Variants in THNSL1 observed in about 807,000 individuals in gnomAD.
THNSL1 encodes threonine synthase-like 1.
A neutral mutation model predicts 50.4 loss-of-function variants in THNSL1; 48 were observed. The observed-to-expected ratio is 0.95, with a 90% CI of 0.76 to 1.21. The LOEUF is 1.21. THNSL1 is among the 50% of genes most tolerant of loss of function. The pLI is 0.00. For synonymous variants in THNSL1, 309 were observed against 306.1 expected, an observed-to-expected ratio of 1.01 and a Z score of -0.10; for missense variants, 896 against 871.7, an observed-to-expected ratio of 1.03 and a Z score of -0.35.
At chr10:24,995,536 G>A in the THNSL1 span, 1 of 980,192 alleles carries the variant, frequency 1.0e-6, no homozygotes, top group Non-Finnish European at 1.5e-6. Flanking sequence ...CAGCAAAGTA[G>A]ACAATGTGTC....
At chr10:25,018,659 GTTTTTT>G (rs374289213) in intron 1 of THNSL1, among the ~76,000 whole-genome samples, 15 of 93,714 alleles carry the variant, frequency 1.6e-4, no homozygotes, top group Non-Finnish European at 3.1e-4. Flanking sequence ...AATGAGAGTT[GTTTTTT>G]TTTTTTTTTT....
chr10:25,019,665 A>T (rs889687458), intron 1 of THNSL1, among the ~76,000 whole-genome samples: 5 of 152,202 alleles, frequency 3.3e-5, no homozygotes, highest in African/African-American at 1.2e-4. Flanking sequence ...AAGGACTTGC[A>T]CATCTGCAGA....
upstream of THNSL1, chr10:25,015,835 T>C: frequency 6.3e-7 from 1 of 1,579,066 alleles, no homozygotes. Context: ...TTGTTTCAAG[T>C]GATAGTCTTT....
At chr10:24,978,177 T>C in the THNSL1 span, among the ~76,000 whole-genome samples, 2 of 152,184 alleles carry the variant, frequency 1.3e-5, no homozygotes, top group African/African-American at 4.8e-5. Context: ...ACTTACTCTG[T>C]TGCTAACTTC....
At chr10:24,997,344 G>A in the THNSL1 span, among the ~76,000 whole-genome samples, 6 of 150,868 alleles carry the variant, frequency 4.0e-5, no homozygotes, top group African/African-American at 1.2e-4. Context: ...TCATTGGACC[G>A]AGTTTTTAAA....
At chr10:24,995,687 G>T in the THNSL1 span, 9 of 1,613,874 alleles carry the variant, frequency 5.6e-6, no homozygotes, top group African/African-American at 1.2e-4. Flanking sequence ...GAAGGCTCAA[G>T]ATCATGCTTG....
the THNSL1 span, among the ~76,000 whole-genome samples, chr10:24,979,592 C>T: frequency 6.6e-6 from 1 of 152,202 alleles, no homozygotes; most frequent in Non-Finnish European, 1.5e-5. Flanking sequence ...CACCTTACCT[C>T]TAAATGGCAG....
At chr10:25,011,907 G>T (rs961394648), upstream of THNSL1, among the ~76,000 whole-genome samples, 1 of 152,202 alleles carries the variant, frequency 6.6e-6, no homozygotes, top group South Asian at 2.1e-4. Context: ...TGTCTCCAGA[G>T]CCTGTCAGAG....
chr10:24,963,927 C>G, the THNSL1 span, among the ~76,000 whole-genome samples: 3 of 152,138 alleles, frequency 2.0e-5, no homozygotes, highest in African/African-American at 7.2e-5. Flanking sequence ...GGTTTGGGAG[C>G]TTAGAAGATT....
chr10:24,976,465 A>G, the THNSL1 span, among the ~76,000 whole-genome samples: 3 of 152,008 alleles, frequency 2.0e-5, no homozygotes, highest in South Asian at 6.2e-4. Flanking sequence ...TATCATCTAT[A>G]CCTATAAAGC....
At chr10:25,009,019 C>T in the THNSL1 span, among the ~76,000 whole-genome samples, 1 of 152,126 alleles carries the variant, frequency 6.6e-6, no homozygotes, top group Non-Finnish European at 1.5e-5. Flanking sequence ...AAAAACCAAA[C>T]ACCGCATGTT....
chr10:25,017,608 AC>A (rs979066128), intron 1 of THNSL1, among the ~76,000 whole-genome samples: 1 of 146,268 alleles, frequency 6.8e-6, no homozygotes, highest in Non-Finnish European at 1.5e-5. Context: ...ACATAAGAAT[AC>A]GTTAAGTTTT....
In THNSL1 at chr10:25,018,659, G is replaced by GTTTTTTTTTTTTTTTTTTTTTTTTT. The variant is rs374289213; in HGVS notation, c.-216+1987_-216+1988insTTTTTTTTTTTTTTTTTTTTTTTTT. On this transcript the variant is annotated intron_variant, in intron 1 of 2. Transcript: ENST00000376356. ...TGATGTACATAAACAAATGAGAGTTGTTTTTTTTTTTTTTTTTTTTGCGAA... is the reference window on the plus strand; with the variant it reads ...TGATGTACATAAACAAATGAGAGTTGTTTTTTTTTTTTTTTTTTTTTTTTTTTTTTTTTTTTTTTTTTTTTGCGAA... 6.4e-5 allele frequency among the ~76,000 whole-genome samples: 6 copies of GTTTTTTTTTTTTTTTTTTTTTTTTT among 93,716 alleles called. 1 individual carries two copies. The highest frequency in any genetic ancestry group is 6.6e-5 in the Non-Finnish European group (3 of 45,314). 61.5% of individuals were successfully genotyped at this position (93,716 alleles called of 152,430 possible).
the THNSL1 span, among the ~76,000 whole-genome samples, chr10:24,961,970 A>C: frequency 1.3e-5 from 2 of 152,206 alleles, no homozygotes; most frequent in African/African-American, 4.8e-5. Flanking sequence ...GTGAGGATTA[A>C]AGAAAATAAT....
At chr10:24,952,600 G>A in the THNSL1 span, 19 of 1,573,136 alleles carry the variant, frequency 1.2e-5, no homozygotes, top group Non-Finnish European at 1.5e-5. This position sits in a 1 kb window ranked among gnomAD's most constrained non-coding sequence, Gnocchi z 5.1. Context: ...ACGCGGGAAG[G>A]GAAGACGGCG....
chr10:24,956,040 G>C, the THNSL1 span, among the ~76,000 whole-genome samples: 2 of 152,074 alleles, frequency 1.3e-5, no homozygotes, highest in African/African-American at 4.8e-5. Context: ...GCTGGTATGA[G>C]AATGAATACA....
intron 2 of THNSL1, among the ~76,000 whole-genome samples, chr10:25,022,577 C>A (rs1240733492): frequency 6.6e-6 from 1 of 152,146 alleles, no homozygotes; most frequent in Non-Finnish European, 1.5e-5. Flanking sequence ...ATACCTTTGT[C>A]CTGTAGTTTG....
chr10:24,985,903 A>T, the THNSL1 span, among the ~76,000 whole-genome samples: 1 of 152,146 alleles, frequency 6.6e-6, no homozygotes, highest in Non-Finnish European at 1.5e-5. Context: ...CCCTGTCGCT[A>T]CAAAAAATAC....
At chr10:24,990,978 T>C in the THNSL1 span, among the ~76,000 whole-genome samples, 1 of 152,188 alleles carries the variant, frequency 6.6e-6, no homozygotes, top group Non-Finnish European at 1.5e-5. Context: ...CATGTGCCAG[T>C]AGTCCCAGCT....
Sources: allele counts gnomAD v4.1 joint callset (sites outside exome capture counted in the v4.1 genomes callset), GRCh38; gene constraint gnomAD v4.1.1; non-coding constraint Gnocchi (gnomAD v3.1); transcripts MANE v1.5; gene names NCBI Gene and HGNC (gene_info 2026-07-23, HGNC 2026-07-21).